USP4: variants seen among roughly 807,000 people sequenced by gnomAD.
USP4 encodes ubiquitin specific peptidase 4.
In USP4, 72 loss-of-function variants were observed where a neutral mutation model predicts 118.2. The ratio of observed to expected loss-of-function variants is 0.61; its 90% confidence interval spans 0.50 to 0.74. The LOEUF (loss-of-function observed/expected upper bound fraction) is 0.74, where lower values mean the gene tolerates loss of function less well. Among genes scored for constraint, USP4 ranks in the 30% least tolerant of loss-of-function variants. The pLI, the probability that USP4 is intolerant of heterozygous loss-of-function variation, is 0.00. For synonymous variants in USP4, 415 were observed against 440.4 expected (o/e 0.94, Z 0.72); for missense variants, 1,037 against 1,185.7 (o/e 0.87, Z 1.84).
intron 2 of USP4, among the ~76,000 whole-genome samples, chr3:49,331,942 G>A (rs542440578): frequency 9.3e-5 from 14 of 150,414 alleles, no homozygotes; most frequent in South Asian, 4.2e-4. Flanking sequence ...AGACCAGCCC[G>A]GGCAACACGG....
intron 3 of USP4, among the ~76,000 whole-genome samples, chr3:49,326,270 T>C (rs1309701895): frequency 6.6e-6 from 1 of 151,886 alleles, no homozygotes; most frequent in African/African-American, 2.4e-5. Flanking sequence ...TGAGCCAAGA[T>C]CGCTCCACTG....
At position 49,292,546 on chromosome 3, in the gene USP4, G is replaced by A; in HGVS notation, c.1936C>T (p.Pro646Ser). The A allele has an allele frequency of 6.2e-7, 1 of 1,600,468 alleles. No individual in the cohort carries two copies. Among genetic ancestry groups the A allele is most frequent in the Non-Finnish European group, 8.5e-7 (1 of 1,172,816 alleles). The change falls in exon 15 of 22, where the codon CCA becomes TCA. Residue 646 changes from proline to serine, a missense_variant. By Grantham distance (74) the Pro-to-Ser change is moderately conservative. Transcript: ENST00000265560. ...PDEFGSSPLEPGACNGSRNSC... is the reference protein window; with the variant it reads ...PDEFGSSPLESGACNGSRNSC... ...TTCCTGGAGCCATTGCAGGCCCCTG[G>A]CTCCAAGGGTGAGCTGCCAAACTCA...
chr3:49,285,302 AG>A (rs1228976639), intron 16 of USP4, among the ~76,000 whole-genome samples: 1 of 151,726 alleles, frequency 6.6e-6, no homozygotes, highest in Non-Finnish European at 1.5e-5. Flanking sequence ...CCCTGACAGA[AG>A]GAAAAAAAAA....
chr3:49,310,156 G>T (rs1479441540), intron 8 of USP4, among the ~76,000 whole-genome samples: 1 of 139,152 alleles, frequency 7.2e-6, no homozygotes, highest in Admixed American at 7.2e-5. Flanking sequence ...CACCACATTG[G>T]CCAGGTGATC....
At chr3:49,320,643 G>GT (rs1455100632) in intron 6 of USP4, among the ~76,000 whole-genome samples, 1 of 152,158 alleles carries the variant, frequency 6.6e-6, no homozygotes, top group African/African-American at 2.4e-5. Context: ...TGATCTGAGA[G>GT]TTTGTCTTTA....
At position 49,284,830 on chromosome 3, in the gene USP4, C is replaced by T. The variant is rs1328775862; in HGVS notation, c.2271+19G>A. 6.2e-6 allele frequency: 10 copies of T among 1,612,022 alleles called. No homozygotes were observed. Among genetic ancestry groups the T allele is most frequent in the African/African-American group, 4.0e-5 (3 of 74,894 alleles). On this transcript the variant is annotated intron_variant, in intron 17 of 21. Coordinates refer to ENST00000265560, the MANE Select transcript of USP4 (RefSeq NM_003363.4). ...AGAAACCAGCAGACACCACCGACCA[C>T]GAACCCCGAGGGACCTACCTCAGAT... is the stretch of plus-strand genomic sequence containing the variant.
At chr3:49,283,008 CTTTTTTTT>C (rs71077783) in intron 19 of USP4, among the ~76,000 whole-genome samples, 3 of 78,264 alleles carry the variant, frequency 3.8e-5, no homozygotes, top group East Asian at 3.7e-4. Flanking sequence ...GTGCCGGCCT[CTTTTTTTT>C]TTTTTTTTTT....
intron 15 of USP4, among the ~76,000 whole-genome samples, chr3:49,287,324 T>C (rs1244597006): frequency 2.6e-5 from 4 of 151,874 alleles, no homozygotes; most frequent in Non-Finnish European, 2.9e-5. Flanking sequence ...CCGGCTACTT[T>C]TTTGTATTTT....
intron 8 of USP4, among the ~76,000 whole-genome samples, chr3:49,308,609 A>G (rs2047346149): frequency 6.6e-6 from 1 of 150,960 alleles, no homozygotes. Flanking sequence ...GTGAGCCACC[A>G]CACCCTGCCA....
At chr3:49,334,254 G>A (rs984888118) in intron 2 of USP4, among the ~76,000 whole-genome samples, 2 of 152,148 alleles carry the variant, frequency 1.3e-5, no homozygotes, top group Non-Finnish European at 2.9e-5. Flanking sequence ...GCCAAAGTAT[G>A]CCTGAATTTA....
Position 49,324,983 on chromosome 3 carries a change from G to A in USP4, c.544C>T (p.Arg182Trp), listed in dbSNP as rs771218620. ...LFNIPAERET[R>W]LWNKYMSNTY... ...TTGCTCATGTATTTGTTCCAGAGCC[G>A]TGTTTCACGCTCCGCAGGGATGTTG... Residue 182 changes from arginine to tryptophan, a missense_variant, in exon 5 of 22, where the codon CGG becomes TGG. Physicochemically the swap from Arg to Trp is moderately radical, Grantham distance 101. Coordinates refer to ENST00000265560, the MANE Select transcript of USP4 (RefSeq NM_003363.4). The A allele has an allele frequency of 5.6e-6, 9 of 1,613,848 alleles. No individual in the cohort carries two copies. The highest frequency in any genetic ancestry group is 1.6e-4 in the Middle Eastern group (1 of 6,082).
Position 49,319,654 on chromosome 3 carries a change from C to T in USP4, c.695+5048G>A, listed in dbSNP as rs186925581. ...TCTGAGATGGAGTCTTGCTCTGTCA[C>T]GCAGGCTGGAGTGCAATGGTGCCAT... On this transcript the variant is annotated intron_variant, in intron 6 of 21. Coordinates refer to ENST00000265560, the MANE Select transcript of USP4 (RefSeq NM_003363.4). Among the ~76,000 whole-genome samples, 293 of 151,754 alleles carry T rather than the reference C, an allele frequency of 1.9e-3. 3 individuals carry two copies. The highest frequency in any genetic ancestry group is 6.5e-3 in the African/African-American group (269 of 41,358).
chr3:49,325,650 TC>T, intron 4 of USP4, 68 bp downstream of exon 4: 1 of 1,583,780 alleles, frequency 6.3e-7, no homozygotes, highest in Non-Finnish European at 8.6e-7. Context: ...AATGCCCTCT[TC>T]CCTCCCATCA....
chr3:49,281,854 T>G (rs1479862983), intron 19 of USP4, among the ~76,000 whole-genome samples: 3 of 148,010 alleles, frequency 2.0e-5, no homozygotes, highest in African/African-American at 7.5e-5. Flanking sequence ...CTACTAAAAA[T>G]ACAAAAATTA....
At chr3:49,282,052 A>C (rs1460835024) in intron 19 of USP4, among the ~76,000 whole-genome samples, 1 of 151,986 alleles carries the variant, frequency 6.6e-6, no homozygotes, top group Non-Finnish European at 1.5e-5. Flanking sequence ...CAACAACAAC[A>C]AAAGAAAATG....
chr3:49,283,228 A>G (rs62259895), intron 19 of USP4, among the ~76,000 whole-genome samples: 1 of 150,902 alleles, frequency 6.6e-6, no homozygotes, highest in South Asian at 2.1e-4. Context: ...GTTGGCCAGG[A>G]TGGTCTCGAT....
chr3:49,332,942 G>T (rs537861026), intron 2 of USP4, among the ~76,000 whole-genome samples: 1 of 151,764 alleles, frequency 6.6e-6, no homozygotes, highest in South Asian at 2.1e-4. Context: ...TGAGATGGGA[G>T]GATCACCTGA....
At chr3:49,335,687 T>G in intron 1 of USP4, 91 bp from the exon 2 acceptor site, 1 of 1,473,110 alleles carries the variant, frequency 6.8e-7, no homozygotes, top group South Asian at 1.2e-5. Flanking sequence ...GTCCTTCCAC[T>G]TGGGGCATAT....
Position 49,280,826 on chromosome 3 carries a change from A to C in USP4, c.2562T>G (p.Phe854Leu). Residue 854 changes from phenylalanine to leucine, a missense_variant, in exon 20 of 22, where the codon TTT becomes TTG. Physicochemically the swap from Phe to Leu is conservative, Grantham distance 22 (BLOSUM62 0). Around this residue, in one of 3 missense-constraint regions of USP4, gnomAD observed 522 missense variants for 592.6 expected, o/e 0.88. Coordinates refer to ENST00000265560, the MANE Select transcript of USP4 (RefSeq NM_003363.4). ...AAGGCCTTGCTGACAGGTTACAGAC[A>C]AACTCGGACATGTTCAGCCCTCTGA... ...FPIRGLNMSE[F>L]VCNLSARPYV... 2 of 1,614,180 alleles carry C rather than the reference A, an allele frequency of 1.2e-6. No individual in the cohort carries two copies. The highest frequency in any genetic ancestry group is 1.1e-5 in the South Asian group (1 of 91,086).
Sources: gnomAD v4.1 joint callset for allele counts (sites outside exome capture counted in the v4.1 genomes callset) on GRCh38, gnomAD v4.1.1 for gene constraint, gnomAD v4.1.1 regional missense constraint, MANE v1.5 for transcripts, NCBI Gene and HGNC (gene_info 2026-07-23, HGNC 2026-07-21) for gene names.